PABIR3: variants seen among roughly 807,000 people sequenced by gnomAD.
The protein encoded by PABIR3 is PABIR family member 1.
PABIR3 carries 20 observed loss-of-function variants against 23.1 expected under a neutral mutation model. The ratio of observed to expected loss-of-function variants is 0.86; its 90% confidence interval spans 0.61 to 1.26. The LOEUF is 1.26. Among genes scored for constraint, PABIR3 ranks in the 50% most tolerant of loss-of-function variants. The pLI, the probability that PABIR3 is intolerant of heterozygous loss-of-function variation, is 0.00. For missense variants in PABIR3, 189 were observed against 195.4 expected, an observed-to-expected ratio of 0.97 and a Z score of 0.20; for synonymous variants, 69 against 68.5, an observed-to-expected ratio of 1.01 and a Z score of -0.04.
intron 2 of PABIR3, among the ~76,000 whole-genome samples, chrX:134,812,976 A>G (rs2080758813): frequency 9.0e-6 from 1 of 111,680 alleles, no homozygotes; most frequent in Non-Finnish European, 1.9e-5. Flanking sequence ...AGATGTCATT[A>G]TGTAGTTGTT....
intron 2 of PABIR3, among the ~76,000 whole-genome samples, chrX:134,808,747 C>A (rs2080418464): frequency 9.0e-6 from 1 of 111,547 alleles, no homozygotes; most frequent in East Asian, 2.8e-4. Flanking sequence ...GAACTCCTGG[C>A]CTCAGGGGAT....
intron 9 of PABIR3, among the ~76,000 whole-genome samples, chrX:134,849,869 C>CTTTTTTTTTTTTTTTTTTTTTTTT (rs374919785): frequency 1.7e-5 from 1 of 58,856 alleles, no homozygotes; most frequent in African/African-American, 7.6e-5. Flanking sequence ...GCTCTTCTTC[C>CTTTTTTTTTTTTTTTTTTTTTTTT]TTTTTTTTTT....
At chrX:134,823,452 C>A (rs900249509) in intron 3 of PABIR3, among the ~76,000 whole-genome samples, 7 of 110,997 alleles carry the variant, frequency 6.3e-5, no homozygotes, top group African/African-American at 2.3e-4. Context: ...CAGATGTGAA[C>A]CTTAGTAGCA....
chrX:134,858,858 G>A (rs760081627), downstream of PABIR3, among the ~76,000 whole-genome samples: 10 of 111,659 alleles, frequency 9.0e-5, no homozygotes, highest in South Asian at 3.8e-3. Flanking sequence ...CCGGAAACTT[G>A]CTCAACCCCC....
intron 1 of PABIR3, among the ~76,000 whole-genome samples, chrX:134,801,561 G>A (rs1328594319): frequency 1.8e-5 from 2 of 112,554 alleles, no homozygotes; most frequent in African/African-American, 3.2e-5. Flanking sequence ...TTGTGGCAGA[G>A]GGGGCAAGCC....
chrX:134,821,774 A>G, intron 3 of PABIR3: 1 of 904,547 alleles, frequency 1.1e-6, no homozygotes, highest in Non-Finnish European at 1.4e-6. Flanking sequence ...CATGTTAAGT[A>G]GCATTATAAA....
chrX:134,829,051 A>C (rs1201324130), intron 3 of PABIR3, among the ~76,000 whole-genome samples, 175 bp from the exon 4 acceptor site: 1 of 111,661 alleles, frequency 9.0e-6, no homozygotes, highest in African/African-American at 3.3e-5. Context: ...GATTAGTATA[A>C]TTTTCAGTCA....
chrX:134,802,055 C>G (rs1041503252), intron 1 of PABIR3, among the ~76,000 whole-genome samples: 4 of 103,650 alleles, frequency 3.9e-5, no homozygotes, highest in Non-Finnish European at 5.9e-5. Flanking sequence ...GAGGGCTCAA[C>G]TCACATCTGC....
At chrX:134,828,297 G>T (rs921435071) in intron 3 of PABIR3, among the ~76,000 whole-genome samples, 12 of 108,778 alleles carry the variant, frequency 1.1e-4, no homozygotes, top group Non-Finnish European at 2.3e-4. Flanking sequence ...CACCATGTTG[G>T]CCAGGCTGGT....
intron 3 of PABIR3, among the ~76,000 whole-genome samples, chrX:134,820,812 G>A (rs1400242020): frequency 9.1e-6 from 1 of 109,505 alleles, no homozygotes; most frequent in Admixed American, 1.0e-4. Context: ...CTTGAGTTCA[G>A]GAGTTTGAGA....
chrX:134,796,589 GA>G (rs1386350342), upstream of PABIR3: 1 of 91,664 alleles, frequency 1.1e-5, no homozygotes, highest in Middle Eastern at 4.3e-3. Flanking sequence ...GAGGAGGGCA[GA>G]GGGGGGAAAG....
intron 2 of PABIR3, among the ~76,000 whole-genome samples, chrX:134,811,646 G>T (rs2080677386): frequency 9.0e-6 from 1 of 111,246 alleles, no homozygotes; most frequent in Non-Finnish European, 1.9e-5. Context: ...TGTTGGCCAG[G>T]CTAGTCTTGA....
intron 2 of PABIR3, chrX:134,811,074 C>T: frequency 1.3e-6 from 1 of 753,399 alleles, no homozygotes. Flanking sequence ...AATTAAATTC[C>T]TTAGGTTTGT....
intron 4 of PABIR3, among the ~76,000 whole-genome samples, chrX:134,836,437 G>T (rs1287191934): frequency 8.9e-6 from 1 of 112,662 alleles, no homozygotes; most frequent in Non-Finnish European, 1.9e-5. Context: ...TTAAACAACA[G>T]AAATATATTG....
At chrX:134,841,820 T>G (rs1323909520) in intron 4 of PABIR3, among the ~76,000 whole-genome samples, 4 of 109,387 alleles carry the variant, frequency 3.7e-5, no homozygotes, top group Non-Finnish European at 7.6e-5. Flanking sequence ...CAGAGTGAGA[T>G]TCTGTCACCA....
At chrX:134,798,759 C>T (rs1158127684) in intron 1 of PABIR3, among the ~76,000 whole-genome samples, 1 of 111,973 alleles carries the variant, frequency 8.9e-6, no homozygotes, top group African/African-American at 3.2e-5. Flanking sequence ...GGGAGTATGT[C>T]AAGGCAAAAC....
At chrX:134,841,312 C>T (rs910557190) in intron 4 of PABIR3, among the ~76,000 whole-genome samples, 2 of 110,810 alleles carry the variant, frequency 1.8e-5, no homozygotes, top group African/African-American at 6.6e-5. Context: ...TTATGGACTA[C>T]CCCAAACATG....
intron 2 of PABIR3, chrX:134,810,107 A>G (rs1341028198): frequency 1.3e-6 from 1 of 752,294 alleles, no homozygotes; most frequent in Non-Finnish European, 1.6e-6. Context: ...AAGACAATAT[A>G]AAAAGAAGAA....
upstream of PABIR3, chrX:134,804,310 T>C: frequency 5.4e-6 from 5 of 926,384 alleles, no homozygotes; most frequent in East Asian, 1.4e-4. Flanking sequence ...AATGTTGTGT[T>C]TGCCATTGTA....
Sources: allele counts gnomAD v4.1 joint callset (sites outside exome capture counted in the v4.1 genomes callset), GRCh38; gene constraint gnomAD v4.1.1; transcripts MANE v1.5; gene names NCBI Gene and HGNC (gene_info 2026-07-23, HGNC 2026-07-21).